The following KATNIP variants were observed in gnomAD, a reference collection of about 807,000 sequenced individuals.
The protein encoded by KATNIP is katanin-interacting protein.
A neutral mutation model predicts 174.0 loss-of-function variants in KATNIP; 126 were observed. The observed-to-expected ratio is 0.72, with a 90% CI of 0.63 to 0.84. KATNIP has a LOEUF of 0.84. Ranked by LOEUF, KATNIP falls within the 40% of genes least tolerant of loss-of-function variation. The probability of loss-of-function intolerance (pLI) is 0.00; values close to 1 mark genes in which losing one functional copy is unlikely to be tolerated. For missense variants in KATNIP, 1,958 were observed against 2,109.7 expected, an observed-to-expected ratio of 0.93 and a Z score of 1.41; for synonymous variants, 810 against 835.7, an observed-to-expected ratio of 0.97 and a Z score of 0.53.
At chr16:27,750,917 G>A (rs551500511) in intron 16 of KATNIP, among the ~76,000 whole-genome samples, 3 of 150,764 alleles carry the variant, frequency 2.0e-5, no homozygotes, top group South Asian at 2.1e-4. Context: ...TTGTAGAGAC[G>A]AGGTTTCACC....
chr16:27,721,438 T>G (rs1185008681), intron 13 of KATNIP, 120 bp from the exon 14 acceptor site: 1 of 1,200,072 alleles, frequency 8.3e-7, no homozygotes. Flanking sequence ...GGCCTGGCTG[T>G]CTGCCCTGAG....
At chr16:27,611,712 C>T (rs1179878315) in intron 2 of KATNIP, among the ~76,000 whole-genome samples, 1 of 152,106 alleles carries the variant, frequency 6.6e-6, no homozygotes, top group African/African-American at 2.4e-5. Context: ...TATTGGTATC[C>T]CCTTTTCGCA....
intron 12 of KATNIP, 57 bp from the exon 13 acceptor site, chr16:27,708,648 G>C: frequency 7.0e-7 from 1 of 1,433,940 alleles, no homozygotes; most frequent in African/African-American, 1.4e-5. Context: ...CAGAGGCAGA[G>C]CCGAATTCAA....
At chr16:27,724,797 C>T (rs887428957) in intron 14 of KATNIP, among the ~76,000 whole-genome samples, 17 of 152,162 alleles carry the variant, frequency 1.1e-4, no homozygotes, top group African/African-American at 3.9e-4. Flanking sequence ...AAATATAGCT[C>T]GGCCTGGTAG....
chr16:27,653,306 A>T (rs2077171993), intron 6 of KATNIP, among the ~76,000 whole-genome samples: 1 of 152,142 alleles, frequency 6.6e-6, no homozygotes, highest in Non-Finnish European at 1.5e-5. Flanking sequence ...CATTGGGTGG[A>T]TGGTGGCATG....
At position 27,677,068 on chromosome 16, in the gene KATNIP, T is replaced by C. The variant is rs184483807; in HGVS notation, c.541-661T>C. ...ATTCATGTCCTGGTCACTCTAAATA[T>C]AGATCTTAATGCTTAGCCATAAGGA... On this transcript the variant is annotated intron_variant, in intron 6 of 27. Transcript: ENST00000261588. 1.4e-3 allele frequency among the ~76,000 whole-genome samples: 207 copies of C among 152,284 alleles called. 1 individual carries two copies. Among genetic ancestry groups the C allele is most frequent in the Non-Finnish European group, 1.9e-4 (13 of 68,020 alleles).
intron 14 of KATNIP, among the ~76,000 whole-genome samples, chr16:27,723,657 T>C (rs1166263010): frequency 1.3e-5 from 2 of 152,166 alleles, no homozygotes; most frequent in African/African-American, 4.8e-5. Flanking sequence ...GAGCTCATGT[T>C]CCTAATAATC....
intron 13 of KATNIP, among the ~76,000 whole-genome samples, chr16:27,713,809 CATATATATATATATATATATATATAT>C (rs60005285): frequency 0.012 from 405 of 33,354 alleles, 22 homozygotes; most frequent in Non-Finnish European, 0.02. Context: ...TGTGTATATA[CATATATATATATATATATATATATAT>C]ATATATATAT....
Position 27,619,377 on chromosome 16 carries a change from C to G in KATNIP, c.140+876C>G, listed in dbSNP as rs140899398. On this transcript the variant is annotated intron_variant, in intron 3 of 27. Transcript: ENST00000261588. Reference sequence around the variant, plus strand: ...TGTTGGTAATGAATTCAAGTGAAAGCACAAAGCAAACAGAAAAACAACGCA... The same window carrying G: ...TGTTGGTAATGAATTCAAGTGAAAGGACAAAGCAAACAGAAAAACAACGCA... Among the ~76,000 whole-genome samples the G allele has an allele frequency of 4.2e-4, 64 of 152,280 alleles. 1 individual carries two copies. In the East Asian group the frequency reaches 0.012, roughly 28 times the overall value.
intron 1 of KATNIP, among the ~76,000 whole-genome samples, chr16:27,558,391 T>A (rs2089717111): frequency 6.6e-6 from 1 of 152,166 alleles, no homozygotes; most frequent in Non-Finnish European, 1.5e-5. Flanking sequence ...GTGATCTGCC[T>A]GCCTTGGCCT....
intron 7 of KATNIP, among the ~76,000 whole-genome samples, chr16:27,680,188 C>T (rs1041509070): frequency 2.0e-5 from 3 of 152,158 alleles, no homozygotes; most frequent in Non-Finnish European, 4.4e-5. Flanking sequence ...ATGCAGCACA[C>T]GCCCAGCACA....
At chr16:27,673,252 T>A (rs990520712) in intron 6 of KATNIP, among the ~76,000 whole-genome samples, 1 of 152,222 alleles carries the variant, frequency 6.6e-6, no homozygotes, top group African/African-American at 2.4e-5. Context: ...GAGAAAGGGT[T>A]GAAAATGTTT....
intron 18 of KATNIP, 98 bp from the exon 19 acceptor site, chr16:27,761,315 G>A: frequency 2.3e-6 from 3 of 1,298,228 alleles, no homozygotes; most frequent in Non-Finnish European, 3.1e-6. Context: ...GAAGTTGCTA[G>A]AATATAGAGG....
intron 5 of KATNIP, among the ~76,000 whole-genome samples, chr16:27,645,256 G>A (rs548894715): frequency 1.3e-4 from 20 of 152,352 alleles, no homozygotes; most frequent in African/African-American, 1.4e-4. Flanking sequence ...AGCCCCAGCC[G>A]AGGGCTCACC....
intron 1 of KATNIP, among the ~76,000 whole-genome samples, chr16:27,564,064 G>GA (rs1210541369): frequency 1.3e-5 from 2 of 151,688 alleles, no homozygotes; most frequent in Non-Finnish European, 2.9e-5. Flanking sequence ...ACCCTGTCTG[G>GA]AAAAAAGAAA....
intron 14 of KATNIP, among the ~76,000 whole-genome samples, chr16:27,733,327 A>G (rs1275002673): frequency 6.6e-6 from 1 of 152,154 alleles, no homozygotes; most frequent in Non-Finnish European, 1.5e-5. Flanking sequence ...TTAATATTGT[A>G]TTAAAAATGC....
At position 27,698,481 on chromosome 16, in the gene KATNIP, A is replaced by C. The variant is rs1182167768; in HGVS notation, c.1094A>C (p.Gln365Pro). 3 of 1,610,432 alleles carry C rather than the reference A, an allele frequency of 1.9e-6. No individual in the cohort carries two copies. The highest frequency in any genetic ancestry group is 2.5e-6 in the Non-Finnish European group (3 of 1,178,506). The change falls in exon 9 of 28, where the codon CAG (glutamine) becomes CCG (proline). Residue 365 changes from glutamine (Q) to proline (P), a missense_variant. Physicochemically the swap from Gln to Pro is moderately conservative, Grantham distance 76. Around this residue, in one of 3 missense-constraint regions of KATNIP, gnomAD observed 1,557 missense variants for 1,617.8 expected, o/e 0.96. Coordinates refer to ENST00000261588, the MANE Select transcript of KATNIP (RefSeq NM_015202.5). Reference sequence around the variant, plus strand: ...GCGCTCCTCAGCAGAAAGGCCGAGCAGCCAGCCAGCCCACTGCAGGTGCGC... The same window carrying C: ...GCGCTCCTCAGCAGAAAGGCCGAGCCGCCAGCCAGCCCACTGCAGGTGCGC... ...QRALLSRKAE[Q>P]PASPLQDAEG...
intron 2 of KATNIP, among the ~76,000 whole-genome samples, chr16:27,609,503 G>T (rs2075822682): frequency 7.4e-6 from 1 of 135,414 alleles, no homozygotes; most frequent in African/African-American, 2.8e-5. Context: ...CCATTCTTCT[G>T]TCTCAGCCTC....
chr16:27,627,249 G>A (rs779739139), intron 3 of KATNIP, among the ~76,000 whole-genome samples: 86 of 152,270 alleles, frequency 5.6e-4, no homozygotes, highest in African/African-American at 1.8e-3. Context: ...TGCCTTGTAC[G>A]TAGTGCCATG....
Sources: allele counts gnomAD v4.1 joint callset (sites outside exome capture counted in the v4.1 genomes callset), GRCh38; gene constraint gnomAD v4.1.1; regional missense constraint gnomAD v4.1.1; transcripts MANE v1.5; gene names NCBI Gene and HGNC (gene_info 2026-07-23, HGNC 2026-07-21).